Variants in NDST1 observed in about 807,000 individuals in gnomAD.
NDST1 encodes bifunctional heparan sulfate N-deacetylase/N-sulfotransferase 1.
Under a neutral mutation model 92.8 loss-of-function variants are expected in NDST1, and 35 were observed. The observed-to-expected ratio is 0.38, with a 90% confidence interval of 0.29 to 0.50. The LOEUF is 0.50. Among genes scored for constraint, NDST1 ranks in the 20% least tolerant of loss-of-function variants. The probability of loss-of-function intolerance (pLI) is 0.94; values close to 1 mark genes in which losing one functional copy is unlikely to be tolerated. For synonymous variants in NDST1, 493 were observed against 500.3 expected, an observed-to-expected ratio of 0.99 and a Z score of 0.19; for missense variants, 822 against 1,182.7, an observed-to-expected ratio of 0.69 and a Z score of 4.47.
chr5:150,509,208 G>A (rs1003187168), intron 1 of NDST1, among the ~76,000 whole-genome samples: 1 of 152,210 alleles, frequency 6.6e-6, no homozygotes. Flanking sequence ...TGTATCTGAG[G>A]CCTGGAGTCG....
intron 1 of NDST1, among the ~76,000 whole-genome samples, chr5:150,512,962 G>A (rs1213032479): frequency 1.3e-5 from 2 of 152,182 alleles, no homozygotes; most frequent in Non-Finnish European, 2.9e-5. Flanking sequence ...CAGCACTTTG[G>A]GAAGCCAAGG....
intron 12 of NDST1, 25 bp from the exon 13 acceptor site, chr5:150,549,653 C>T: frequency 4.7e-6 from 7 of 1,492,480 alleles, no homozygotes; most frequent in Non-Finnish European, 6.5e-6. Flanking sequence ...CAAAGCAGGT[C>T]CCGATCCCCT....
At chr5:150,525,826 C>T (rs1004538849) in intron 2 of NDST1, among the ~76,000 whole-genome samples, 4 of 152,184 alleles carry the variant, frequency 2.6e-5, no homozygotes, top group Middle Eastern at 3.2e-3. Context: ...CCACACATGA[C>T]CCCATCTCCC....
In NDST1 at chr5:150,553,710, G is replaced by A; in HGVS notation, c.*378G>A. ...CGCAGGGCGCCCCTCAGTATTCGCT[G>A]CCATATGTCCCTGTCCTCCAGGCTG... is the stretch of plus-strand genomic sequence containing the variant. On this transcript the variant is annotated 3_prime_UTR_variant, in exon 15 of 15. Coordinates refer to ENST00000261797, the MANE Select transcript of NDST1 (RefSeq NM_001543.5). The surrounding 1 kb of genome is among the most constrained non-coding windows in gnomAD (Gnocchi z 4.2). 2.4e-6 allele frequency: 1 copy of A among 416,176 alleles called. No homozygotes were observed. The highest frequency in any genetic ancestry group is 4.6e-6 in the Non-Finnish European group (1 of 219,656). The allele number at this position is 416,176 out of a possible 1,614,324, so 25.8% of individuals were successfully genotyped here. A position where few individuals can be genotyped will look rare whatever the true frequency, so the allele number is the denominator to read the frequency against.
At chr5:150,539,090 C>T (rs1038412795) in intron 6 of NDST1, 138 bp from the exon 7 acceptor site, 1 of 718,320 alleles carries the variant, frequency 1.4e-6, no homozygotes, top group Admixed American at 2.1e-5. Context: ...GTAGGCTGCA[C>T]CCAAGGGTAG....
At position 150,521,767 on chromosome 5, in the gene NDST1, G is replaced by A; in HGVS notation, c.513G>A (p.Lys171=). 1 of 1,613,124 alleles carries A rather than the reference G, an allele frequency of 6.2e-7. No homozygotes were observed. The highest frequency in any genetic ancestry group is 8.5e-7 in the Non-Finnish European group (1 of 1,180,026). ...AYGVGIIGFF[K]ANENSLLSAQ... is the part of the protein sequence containing the mutation. The stretch of plus-strand genomic sequence containing the variant: ...GCGTGGGCATCATTGGCTTCTTCAA[G>A]GTACACAAGAAGCAGGGTCCCCGAG... Residue 171 remains lysine, a splice_region_variant and synonymous_variant, in exon 2 of 15, where the codon AAG becomes AAA. Transcript: ENST00000261797. This position sits in a 1 kb window ranked among gnomAD's most constrained non-coding sequence, Gnocchi z 5.9.
At chr5:150,498,779 T>C (rs1052423909) in intron 1 of NDST1, among the ~76,000 whole-genome samples, 4 of 152,202 alleles carry the variant, frequency 2.6e-5, no homozygotes, top group Non-Finnish European at 5.9e-5. Flanking sequence ...TGATTTAGTT[T>C]AGTCCAGAGG....
In NDST1 at chr5:150,542,791, C is replaced by G. The variant is rs1355934806; in HGVS notation, c.1847-57C>G. ...TGGGGAGCTAGGCCCAGAACCCAGA[C>G]TCTATCTTTTGGCTGGGGGCTGGGC... On this transcript the variant is annotated intron_variant, in intron 9 of 14. Transcript: ENST00000261797. 6.2e-6 allele frequency: 10 copies of G among 1,612,772 alleles called. No homozygotes were observed. The East Asian group carries it at 2.2e-4, about 36-fold the overall frequency.
intron 13 of NDST1, among the ~76,000 whole-genome samples, chr5:150,551,080 C>A (rs1011458640): frequency 1.3e-5 from 2 of 152,098 alleles, no homozygotes; most frequent in Non-Finnish European, 2.9e-5. Context: ...TTCTTGATGC[C>A]CTCATGCTCA....
At chr5:150,520,038 C>A (rs943876240) in intron 1 of NDST1, among the ~76,000 whole-genome samples, 13 of 152,100 alleles carry the variant, frequency 8.5e-5, no homozygotes, top group African/African-American at 3.1e-4. Flanking sequence ...GCTATTTGGT[C>A]ATCTGTTGTC....
intron 3 of NDST1, among the ~76,000 whole-genome samples, chr5:150,532,685 C>T (rs1416622737): frequency 6.6e-6 from 1 of 152,146 alleles, no homozygotes; most frequent in Non-Finnish European, 1.5e-5. Context: ...TGCCACCATG[C>T]CCGGCTAATT....
chr5:150,553,871 C>T lies in NDST1; in HGVS notation c.*539C>T, dbSNP rs1755815382. 3 of 433,448 alleles carry T rather than the reference C, an allele frequency of 6.9e-6. No individual in the cohort carries two copies. In the East Asian group the frequency reaches 9.9e-5, roughly 14 times the overall value. 26.9% of individuals were successfully genotyped at this position (433,448 alleles called of 1,614,324 possible). A position where few individuals can be genotyped will look rare whatever the true frequency, so the allele number is the denominator to read the frequency against. The stretch of plus-strand genomic sequence containing the variant: ...AGGGTGGCCCCCTCAAGAGGACTCC[C>T]AGCCTCCACATCTGGTTCCTACCTT... On this transcript the variant is annotated 3_prime_UTR_variant, in exon 15 of 15. Coordinates refer to ENST00000261797, the MANE Select transcript of NDST1 (RefSeq NM_001543.5). The surrounding 1 kb of genome is among the most constrained non-coding windows in gnomAD (Gnocchi z 4.2).
chr5:150,501,392 A>G (rs1753221641), intron 1 of NDST1, among the ~76,000 whole-genome samples: 2 of 152,116 alleles, frequency 1.3e-5, no homozygotes, highest in African/African-American at 4.8e-5. Flanking sequence ...GTTCTCCCTC[A>G]TGGCCAAAAG....
chr5:150,530,653 A>G (rs999719151), intron 3 of NDST1, among the ~76,000 whole-genome samples: 2 of 150,526 alleles, frequency 1.3e-5, no homozygotes, highest in Non-Finnish European at 2.9e-5. Context: ...AGTGATCCTA[A>G]GCACAAGCAA....
Position 150,521,124 on chromosome 5 carries a change from A to T in NDST1, c.-131A>T. 1.2e-6 allele frequency: 1 copy of T among 818,918 alleles called. No homozygotes were observed. The highest frequency in any genetic ancestry group is 1.9e-6 in the Non-Finnish European group (1 of 530,328). 50.7% of individuals were successfully genotyped at this position (818,918 alleles called of 1,614,324 possible). A position where few individuals can be genotyped will look rare whatever the true frequency, so the allele number is the denominator to read the frequency against. On this transcript the variant is annotated 5_prime_UTR_variant, in exon 2 of 15. Coordinates refer to ENST00000261797, the MANE Select transcript of NDST1 (RefSeq NM_001543.5). This position sits in a 1 kb window ranked among gnomAD's most constrained non-coding sequence, Gnocchi z 5.9. ...CCAGATCCTCCACTCCCAGTGCCCC[A>T]CAAGGGCGTCGCTTCCTAAGTCTCT...
chr5:150,548,127 T>C, intron 11 of NDST1, 91 bp from the exon 12 acceptor site: 1 of 1,494,852 alleles, frequency 6.7e-7, no homozygotes, highest in African/African-American at 1.4e-5. Context: ...CAGCTGAGGA[T>C]CTTCTGGCCA....
chr5:150,543,562 T>C (rs1293541967), intron 10 of NDST1, among the ~76,000 whole-genome samples: 2 of 152,170 alleles, frequency 1.3e-5, no homozygotes, highest in African/African-American at 4.8e-5. Context: ...CTATTTGCCT[T>C]TTTTCTTTCT....
At position 150,532,300 on chromosome 5, in the gene NDST1, T is replaced by C. The variant is rs6895977; in HGVS notation, c.1009-645T>C. On this transcript the variant is annotated intron_variant, in intron 3 of 14. Coordinates refer to ENST00000261797, the MANE Select transcript of NDST1 (RefSeq NM_001543.5). Reference sequence around the variant, plus strand: ...GAGCCTTATGAGGGAGATATTATCATCCCTGTTTTACATTTGATGAAACCA... The same window carrying C: ...GAGCCTTATGAGGGAGATATTATCACCCCTGTTTTACATTTGATGAAACCA... 5.9e-3 allele frequency among the ~76,000 whole-genome samples: 900 copies of C among 152,278 alleles called. 18 individuals are homozygous for C. The highest frequency in any genetic ancestry group is 0.02 in the African/African-American group (839 of 41,554).
intron 2 of NDST1, among the ~76,000 whole-genome samples, chr5:150,525,868 A>G (rs1179019813): frequency 6.6e-6 from 1 of 151,478 alleles, no homozygotes; most frequent in African/African-American, 2.4e-5. Flanking sequence ...GCCCTGCCCC[A>G]CTCACTCTCC....
Sources: allele counts gnomAD v4.1 joint callset (sites outside exome capture counted in the v4.1 genomes callset), GRCh38; gene constraint gnomAD v4.1.1; non-coding constraint Gnocchi (gnomAD v3.1); transcripts MANE v1.5; gene names NCBI Gene and HGNC (gene_info 2026-07-23, HGNC 2026-07-21).